The following PDE1C variants were observed in gnomAD, a reference collection of about 807,000 sequenced individuals.
The protein encoded by PDE1C is phosphodiesterase 1C.
In PDE1C, 62 loss-of-function variants were observed where a neutral mutation model predicts 93.1. The observed-to-expected ratio is 0.67, with a 90% CI of 0.54 to 0.82. PDE1C has a LOEUF of 0.82. Among genes scored for constraint, PDE1C ranks in the 40% least tolerant of loss-of-function variants. The probability of loss-of-function intolerance (pLI) is 0.00; values close to 1 mark genes in which losing one functional copy is unlikely to be tolerated. For missense variants in PDE1C, 742 were observed against 884.6 expected (o/e 0.84, Z 2.04); for synonymous variants, 325 against 310.1 (o/e 1.05, Z -0.50).
At chr7:31,839,544 C>G (rs900422473) in intron 9 of PDE1C, among the ~76,000 whole-genome samples, 1 of 152,110 alleles carries the variant, frequency 6.6e-6, no homozygotes, top group East Asian at 1.9e-4. Flanking sequence ...GGTATTCTAT[C>G]ATATGAGCAT....
intron 2 of PDE1C, among the ~76,000 whole-genome samples, chr7:32,041,357 A>G (rs1791787832): frequency 6.6e-6 from 1 of 152,128 alleles, no homozygotes; most frequent in Admixed American, 6.6e-5. Flanking sequence ...AAGACTACAG[A>G]CACACCCTTC....
intron 2 of PDE1C, among the ~76,000 whole-genome samples, chr7:31,926,127 G>GTC (rs1329618554): frequency 1.3e-5 from 2 of 151,944 alleles, no homozygotes; most frequent in Admixed American, 1.3e-4. Flanking sequence ...CCCTACACAC[G>GTC]TCTGTACATA....
chr7:31,705,859 A>C, the PDE1C span, among the ~76,000 whole-genome samples: 5,074 of 152,072 alleles, frequency 0.033, 280 homozygotes, highest in African/African-American at 0.11. Flanking sequence ...CTTTGACCTT[A>C]CATTAAAATG....
chr7:32,276,068 T>C (rs762075441), intron 1 of PDE1C, among the ~76,000 whole-genome samples: 9 of 152,086 alleles, frequency 5.9e-5, no homozygotes, highest in African/African-American at 1.9e-4. Context: ...TAAATGGCCA[T>C]AGTGTAAGCA....
chr7:31,623,393 A>C, the PDE1C span, among the ~76,000 whole-genome samples: 3 of 151,660 alleles, frequency 2.0e-5, no homozygotes, highest in African/African-American at 7.3e-5. Flanking sequence ...GCACATCAAA[A>C]AGCTTATCCA....
intron 2 of PDE1C, among the ~76,000 whole-genome samples, chr7:31,952,841 T>C (rs1400135858): frequency 2.0e-5 from 3 of 152,174 alleles, no homozygotes; most frequent in African/African-American, 7.2e-5. Flanking sequence ...ACCATCATAC[T>C]GTCCTTCATG....
intron 2 of PDE1C, among the ~76,000 whole-genome samples, chr7:32,175,802 C>A (rs139685397): frequency 1.3e-5 from 2 of 152,344 alleles, no homozygotes; most frequent in Admixed American, 6.5e-5. Context: ...TTTTCACTAT[C>A]TTGGAACTAC....
At chr7:31,878,059 T>C (rs747771208) in intron 4 of PDE1C, 23 bp from the exon 5 acceptor site, 7 of 1,535,874 alleles carry the variant, frequency 4.6e-6, no homozygotes, top group South Asian at 4.5e-5. Context: ...AAGGGAAAAA[T>C]GCAACATGAT....
intron 2 of PDE1C, among the ~76,000 whole-genome samples, chr7:32,204,557 AG>A (rs1805279932): frequency 6.6e-6 from 1 of 152,186 alleles, no homozygotes; most frequent in Admixed American, 6.5e-5. Flanking sequence ...CGTCCTCTAG[AG>A]GAGAGGGATG....
chr7:31,918,632 T>C (rs1802224129), intron 2 of PDE1C, among the ~76,000 whole-genome samples: 1 of 152,232 alleles, frequency 6.6e-6, no homozygotes, highest in Non-Finnish European at 1.5e-5. Context: ...CTCTGTAGGC[T>C]TTCTGCTTTT....
chr7:32,127,492 GA>G (rs1360467752), intron 3 of PDE1C, among the ~76,000 whole-genome samples: 1 of 151,868 alleles, frequency 6.6e-6, no homozygotes, highest in Non-Finnish European at 1.5e-5. Flanking sequence ...AGACATAATA[GA>G]AAAAAACTTT....
chr7:32,208,446 G>A (rs1805766050), intron 2 of PDE1C, among the ~76,000 whole-genome samples: 1 of 151,776 alleles, frequency 6.6e-6, no homozygotes, highest in South Asian at 2.1e-4. Flanking sequence ...CAGCTACTAA[G>A]TCTTTTTGTA....
chr7:32,308,038 C>A (rs1444804182), intron 1 of PDE1C, among the ~76,000 whole-genome samples: 1 of 152,238 alleles, frequency 6.6e-6, no homozygotes, highest in East Asian at 1.9e-4. Flanking sequence ...CCTAATACTG[C>A]ACTTTTCCAA....
chr7:32,325,932 A>G (rs1405476239), intron 1 of PDE1C, among the ~76,000 whole-genome samples: 1 of 152,236 alleles, frequency 6.6e-6, no homozygotes, highest in African/African-American at 2.4e-5. Flanking sequence ...AATCATTCAG[A>G]CAAGAAATGA....
intron 2 of PDE1C, among the ~76,000 whole-genome samples, chr7:31,942,147 T>C (rs368060448): frequency 6.6e-6 from 1 of 152,144 alleles, no homozygotes; most frequent in African/African-American, 2.4e-5. Flanking sequence ...AAGAGCAGCA[T>C]GGGGAAACCT....
At chr7:31,950,967 G>A (rs762505680) in intron 2 of PDE1C, among the ~76,000 whole-genome samples, 8 of 152,076 alleles carry the variant, frequency 5.3e-5, no homozygotes, top group Non-Finnish European at 7.4e-5. Flanking sequence ...TTCTGGAGGC[G>A]GAAAGTCCAA....
chr7:31,697,491 A>C, the PDE1C span, among the ~76,000 whole-genome samples: 1 of 152,324 alleles, frequency 6.6e-6, no homozygotes, highest in Non-Finnish European at 1.5e-5. Context: ...CTAATTGGCC[A>C]AATCCTCAAA....
At chr7:32,209,402 T>C in intron 2 of PDE1C, 2 of 1,063,000 alleles carry the variant, frequency 1.9e-6, no homozygotes, top group South Asian at 1.5e-5. Flanking sequence ...CCTGACAGAA[T>C]TGAAGAGCTA....
intron 1 of PDE1C, among the ~76,000 whole-genome samples, chr7:32,219,879 T>G (rs1221652631): frequency 6.6e-6 from 1 of 152,236 alleles, no homozygotes; most frequent in Non-Finnish European, 1.5e-5. Context: ...TCCTATGTGT[T>G]GTGGGAGGGA....
Sources: gnomAD v4.1 joint callset for allele counts (sites outside exome capture counted in the v4.1 genomes callset) on GRCh38, gnomAD v4.1.1 for gene constraint, MANE v1.5 for transcripts, NCBI Gene and HGNC (gene_info 2026-07-23, HGNC 2026-07-21) for gene names.